ADAMTS3: variants seen among roughly 807,000 people sequenced by gnomAD.
The protein encoded by ADAMTS3 is A disintegrin and metalloproteinase with thrombospondin motifs 3.
In ADAMTS3, 73 loss-of-function variants were observed where a neutral mutation model predicts 129.0. The ratio of observed to expected loss-of-function variants is 0.57; its 90% CI spans 0.47 to 0.69. The LOEUF (loss-of-function observed/expected upper bound fraction) is 0.69, where lower values mean the gene tolerates loss of function less well. Ranked by LOEUF, ADAMTS3 falls within the 30% of genes least tolerant of loss-of-function variation. The pLI, the probability that ADAMTS3 is intolerant of heterozygous loss-of-function variation, is 0.00. For missense variants in ADAMTS3, 1,457 were observed against 1,514.5 expected (o/e 0.96, Z 0.63); for synonymous variants, 477 against 510.8 (o/e 0.93, Z 0.89).
At chr4:72,388,234 TC>T (rs1421078640) in intron 4 of ADAMTS3, among the ~76,000 whole-genome samples, 1 of 152,134 alleles carries the variant, frequency 6.6e-6, no homozygotes, top group Non-Finnish European at 1.5e-5. Flanking sequence ...CTCCCAAACC[TC>T]AGGTCCTCAT....
At chr4:72,549,523 T>A (rs1359983470) in intron 2 of ADAMTS3, among the ~76,000 whole-genome samples, 1 of 152,142 alleles carries the variant, frequency 6.6e-6, no homozygotes, top group Non-Finnish European at 1.5e-5. Context: ...AAATCCAAGT[T>A]GTACTCCTAA....
chr4:72,526,666 C>A (rs1720816229), intron 3 of ADAMTS3, among the ~76,000 whole-genome samples: 1 of 118,034 alleles, frequency 8.5e-6, no homozygotes, highest in Non-Finnish European at 1.7e-5. Flanking sequence ...TTTTATATAA[C>A]CATATACACA....
At chr4:72,340,363 T>C (rs940358210) in intron 4 of ADAMTS3, among the ~76,000 whole-genome samples, 2 of 151,084 alleles carry the variant, frequency 1.3e-5, no homozygotes, top group Non-Finnish European at 3.0e-5. Context: ...GTGGATAAGA[T>C]AGTATATAAT....
intron 2 of ADAMTS3, among the ~76,000 whole-genome samples, chr4:72,558,924 C>CA (rs1323395649): frequency 6.6e-6 from 1 of 151,636 alleles, no homozygotes; most frequent in Non-Finnish European, 1.5e-5. Flanking sequence ...CTGGAACTGT[C>CA]AAAAAAGAGG....
intron 3 of ADAMTS3, among the ~76,000 whole-genome samples, chr4:72,542,757 G>A (rs896488237): frequency 6.6e-6 from 1 of 152,142 alleles, no homozygotes; most frequent in Non-Finnish European, 1.5e-5. Flanking sequence ...AAGTGCTTCA[G>A]ACACTCCAAA....
intron 3 of ADAMTS3, among the ~76,000 whole-genome samples, chr4:72,533,443 T>G (rs751366180): frequency 1.9e-4 from 29 of 152,066 alleles, no homozygotes; most frequent in Admixed American, 6.6e-5. Flanking sequence ...ACAGCAGCTT[T>G]TTTTTTCTAA....
chr4:72,555,645 G>T (rs1721744720), intron 2 of ADAMTS3, among the ~76,000 whole-genome samples: 1 of 151,724 alleles, frequency 6.6e-6, no homozygotes. Context: ...AAGATCTTTG[G>T]GTCAGAAATA....
At chr4:72,504,050 A>C (rs556312019) in intron 3 of ADAMTS3, among the ~76,000 whole-genome samples, 1 of 152,234 alleles carries the variant, frequency 6.6e-6, no homozygotes, top group African/African-American at 2.4e-5. Context: ...TTTTTATCCA[A>C]GTTGCCACTC....
chr4:72,429,484 C>T (rs1031345679), intron 3 of ADAMTS3, among the ~76,000 whole-genome samples: 6 of 151,996 alleles, frequency 3.9e-5, no homozygotes, highest in Admixed American at 3.3e-4. Context: ...TTAAAGGAAA[C>T]GTAAAATCCA....
At chr4:72,449,193 TC>T (rs1295514441) in intron 3 of ADAMTS3, among the ~76,000 whole-genome samples, 3 of 151,444 alleles carry the variant, frequency 2.0e-5, no homozygotes, top group African/African-American at 7.3e-5. Flanking sequence ...TCCCACCGAG[TC>T]CCATGGTTGT....
chr4:72,516,450 G>C (rs1354386997), intron 3 of ADAMTS3, among the ~76,000 whole-genome samples: 5 of 152,110 alleles, frequency 3.3e-5, no homozygotes, highest in African/African-American at 4.8e-5. Flanking sequence ...TCAGGATATT[G>C]ATTCTTCCTA....
At chr4:72,401,584 A>T (rs1475324190) in intron 4 of ADAMTS3, among the ~76,000 whole-genome samples, 1 of 141,724 alleles carries the variant, frequency 7.1e-6, no homozygotes, top group Non-Finnish European at 1.6e-5. Flanking sequence ...AAAAAAAAAA[A>T]AAAAGAAAAG....
intron 4 of ADAMTS3, among the ~76,000 whole-genome samples, chr4:72,378,701 C>A (rs1721198629): frequency 6.6e-6 from 1 of 151,456 alleles, no homozygotes. Flanking sequence ...TTCCCATTAT[C>A]TTATCTTTCT....
chr4:72,394,922 A>G (rs552286324), intron 4 of ADAMTS3, among the ~76,000 whole-genome samples: 2 of 148,164 alleles, frequency 1.3e-5, no homozygotes, highest in Non-Finnish European at 3.0e-5. Flanking sequence ...ATATACGCAC[A>G]TTTGGCTTTT....
intron 4 of ADAMTS3, among the ~76,000 whole-genome samples, chr4:72,391,700 G>A (rs1297310914): frequency 6.6e-6 from 1 of 152,060 alleles, no homozygotes; most frequent in Non-Finnish European, 1.5e-5. Context: ...AAACCTTCCT[G>A]AAAGGAAGCA....
At chr4:72,290,192 G>A (rs1341239819) in intron 20 of ADAMTS3, among the ~76,000 whole-genome samples, 2 of 152,190 alleles carry the variant, frequency 1.3e-5, no homozygotes, top group Non-Finnish European at 2.9e-5. Context: ...AGGAAACAAG[G>A]CATACTATTT....
rs192199275 is a variant in ADAMTS3, at chr4:72,441,025, T to C, written c.505-26054A>G. Among the ~76,000 whole-genome samples the C allele has an allele frequency of 6.2e-3, 937 of 151,898 alleles. 9 individuals carry two copies. Among genetic ancestry groups the C allele is most frequent in the African/African-American group, 0.021 (884 of 41,518 alleles). ...AGCAGTGAGATCAAAATATAGGACATATCTGTGAGTCTCAAAAAGTTTTCA... is the reference window on the plus strand; with the variant it reads ...AGCAGTGAGATCAAAATATAGGACACATCTGTGAGTCTCAAAAAGTTTTCA... On this transcript the variant is annotated intron_variant, in intron 3 of 21. Coordinates refer to ENST00000286657, the MANE Select transcript of ADAMTS3 (RefSeq NM_014243.3).
intron 3 of ADAMTS3, among the ~76,000 whole-genome samples, chr4:72,529,713 TAATA>T (rs1399427388): frequency 9.4e-6 from 1 of 105,910 alleles, no homozygotes; most frequent in Non-Finnish European, 1.9e-5. Context: ...ATATTAAATA[TAATA>T]TATATTAATT....
intron 3 of ADAMTS3, among the ~76,000 whole-genome samples, chr4:72,526,408 T>C (rs1016577990): frequency 6.6e-6 from 1 of 152,084 alleles, no homozygotes; most frequent in African/African-American, 2.4e-5. Flanking sequence ...TAATTACTAA[T>C]TATCATCTAG....
Sources: allele counts gnomAD v4.1 joint callset (sites outside exome capture counted in the v4.1 genomes callset), GRCh38; gene constraint gnomAD v4.1.1; transcripts MANE v1.5; gene names NCBI Gene and HGNC (gene_info 2026-07-23, HGNC 2026-07-21).